The following GPC5 variants were observed in gnomAD, a reference collection of about 807,000 sequenced individuals.
GPC5 encodes the protein glypican-5.
In GPC5, 47 loss-of-function variants were observed where a neutral mutation model predicts 53.9. The observed-to-expected ratio is 0.87, with a 90% CI of 0.69 to 1.11. GPC5 has a LOEUF of 1.11. Among genes scored for constraint, GPC5 ranks in the 50% most tolerant of loss-of-function variants. The probability of loss-of-function intolerance (pLI) is 0.00; values close to 1 mark genes in which losing one functional copy is unlikely to be tolerated. For synonymous variants in GPC5, 286 were observed against 263.3 expected, an observed-to-expected ratio of 1.09 and a Z score of -0.84; for missense variants, 748 against 713.1, an observed-to-expected ratio of 1.05 and a Z score of -0.56.
chr13:91,893,845 G>A (rs1056333339), intron 5 of GPC5, among the ~76,000 whole-genome samples: 2 of 151,660 alleles, frequency 1.3e-5, no homozygotes, highest in African/African-American at 2.4e-5. Context: ...GCGTAATTGT[G>A]TAAGAAAAAC....
chr13:92,270,809 A>G (rs1349758287), intron 7 of GPC5, among the ~76,000 whole-genome samples: 1 of 152,230 alleles, frequency 6.6e-6, no homozygotes, highest in Non-Finnish European at 1.5e-5. Context: ...CAAGAAAGCT[A>G]AACTCCTTTT....
chr13:92,283,939 C>T (rs1437271787), intron 7 of GPC5, among the ~76,000 whole-genome samples: 1 of 152,080 alleles, frequency 6.6e-6, no homozygotes, highest in African/African-American at 2.4e-5. Flanking sequence ...TTCAAAAAAT[C>T]AATGAATCCA....
At chr13:91,556,736 G>A (rs537504628) in intron 2 of GPC5, among the ~76,000 whole-genome samples, 13 of 151,872 alleles carry the variant, frequency 8.6e-5, no homozygotes, top group Non-Finnish European at 1.9e-4. Flanking sequence ...ACCAAACGTT[G>A]TATGTTCTCA....
At chr13:92,705,098 T>C (rs1321687326) in intron 7 of GPC5, among the ~76,000 whole-genome samples, 1 of 152,006 alleles carries the variant, frequency 6.6e-6, no homozygotes, top group Admixed American at 6.6e-5. Context: ...TCTGATTAAA[T>C]TGAAAGCATG....
chr13:92,768,623 A>T (rs1228629314), intron 7 of GPC5, among the ~76,000 whole-genome samples: 1 of 151,962 alleles, frequency 6.6e-6, no homozygotes, highest in South Asian at 2.1e-4. Flanking sequence ...TCTTTCCCCC[A>T]TAGTCAGTTT....
chr13:92,844,585 T>G (rs1011656398), intron 7 of GPC5, among the ~76,000 whole-genome samples: 3 of 152,142 alleles, frequency 2.0e-5, no homozygotes, highest in Non-Finnish European at 4.4e-5. Context: ...TTTGTGTATT[T>G]ACACAAATGC....
intron 7 of GPC5, among the ~76,000 whole-genome samples, chr13:92,238,421 A>T (rs1431002331): frequency 6.6e-6 from 1 of 152,034 alleles, no homozygotes; most frequent in Non-Finnish European, 1.5e-5. Flanking sequence ...GTGGTTTCTC[A>T]ATGTGGCTCT....
At chr13:92,023,158 A>G (rs927189572) in intron 6 of GPC5, among the ~76,000 whole-genome samples, 2 of 152,102 alleles carry the variant, frequency 1.3e-5, no homozygotes, top group African/African-American at 4.8e-5. Flanking sequence ...ATGTGTCTGC[A>G]CATTACATGG....
chr13:91,644,084 A>T (rs191506579), intron 2 of GPC5, among the ~76,000 whole-genome samples: 5 of 152,062 alleles, frequency 3.3e-5, no homozygotes, highest in Non-Finnish European at 7.4e-5. Flanking sequence ...TATTGGTAAA[A>T]TTAATTTTAC....
chr13:91,406,919 A>G (rs1877369130), intron 1 of GPC5, among the ~76,000 whole-genome samples: 1 of 152,168 alleles, frequency 6.6e-6, no homozygotes, highest in South Asian at 2.1e-4. Context: ...ATGGGTCAAT[A>G]CTTATTTCTA....
intron 2 of GPC5, among the ~76,000 whole-genome samples, chr13:91,557,052 CT>C (rs1308161816): frequency 6.6e-6 from 1 of 152,024 alleles, no homozygotes; most frequent in Admixed American, 6.6e-5. Flanking sequence ...TTTTATTAAC[CT>C]AGGCTAAATA....
intron 7 of GPC5, among the ~76,000 whole-genome samples, chr13:92,789,737 T>C (rs997978838): frequency 2.0e-5 from 3 of 152,096 alleles, no homozygotes; most frequent in Non-Finnish European, 2.9e-5. Flanking sequence ...GAAGGTGTCT[T>C]AGGGTTCTCT....
intron 7 of GPC5, among the ~76,000 whole-genome samples, chr13:92,491,995 T>C (rs1169230198): frequency 6.6e-6 from 1 of 152,154 alleles, no homozygotes; most frequent in African/African-American, 2.4e-5. Context: ...CTTTTCAGTC[T>C]AGAGTCTACA....
At chr13:91,709,293 T>C (rs916081780) in intron 3 of GPC5, among the ~76,000 whole-genome samples, 31 of 152,308 alleles carry the variant, frequency 2.0e-4, no homozygotes, top group African/African-American at 7.5e-4. Context: ...CTTCCAATGG[T>C]TTTTATTTAC....
At chr13:92,708,300 T>C (rs1270750389) in intron 7 of GPC5, among the ~76,000 whole-genome samples, 1 of 152,198 alleles carries the variant, frequency 6.6e-6, no homozygotes, top group Non-Finnish European at 1.5e-5. Context: ...TCATAGTTTT[T>C]GGTACAGCAG....
chr13:92,139,623 C>T (rs1025414978), intron 6 of GPC5, among the ~76,000 whole-genome samples: 5 of 141,750 alleles, frequency 3.5e-5, no homozygotes, highest in East Asian at 2.0e-4. Context: ...GCCAAGACTG[C>T]GCCATTGCTT....
At chr13:91,530,108 T>G (rs543674832) in intron 2 of GPC5, among the ~76,000 whole-genome samples, 14 of 152,332 alleles carry the variant, frequency 9.2e-5, no homozygotes, top group Non-Finnish European at 1.8e-4. Context: ...GCTGTACAGT[T>G]GCACCATTTT....
At position 92,114,529 on chromosome 13, in the gene GPC5, C is replaced by T. The variant is rs77892847; in HGVS notation, c.1402-30301C>T. ...GATGAATGGCGGCAAATAAATTGCT[C>T]CTAGAGTAATCAGAAGATTAAAGGG... is the stretch of plus-strand genomic sequence containing the variant. On this transcript the variant is annotated intron_variant, in intron 6 of 7. Coordinates refer to ENST00000377067, the MANE Select transcript of GPC5 (RefSeq NM_004466.6). Among the ~76,000 whole-genome samples, 824 of 152,190 alleles carry T rather than the reference C, an allele frequency of 5.4e-3. 3 individuals are homozygous for T. The highest frequency in any genetic ancestry group is 7.4e-3 in the Non-Finnish European group (502 of 68,000).
chr13:91,864,583 A>T (rs1288731251), intron 5 of GPC5, among the ~76,000 whole-genome samples: 2 of 152,194 alleles, frequency 1.3e-5, no homozygotes, highest in African/African-American at 4.8e-5. Context: ...AAATAAACTT[A>T]GGGACTATGA....
Sources: gnomAD v4.1 joint callset for allele counts (sites outside exome capture counted in the v4.1 genomes callset) on GRCh38, gnomAD v4.1.1 for gene constraint, MANE v1.5 for transcripts, NCBI Gene and HGNC (gene_info 2026-07-23, HGNC 2026-07-21) for gene names.